SORBS2: variants seen among roughly 807,000 people sequenced by gnomAD.
SORBS2 encodes the protein sorbin and SH3 domain containing 2.
A neutral mutation model predicts 97.7 loss-of-function variants in SORBS2; 46 were observed. That is an observed-to-expected ratio of 0.47 (90% confidence interval 0.37 to 0.60). The LOEUF (loss-of-function observed/expected upper bound fraction) is 0.60. Among genes scored for constraint, SORBS2 ranks in the 20% least tolerant of loss-of-function variants. The pLI is 0.00. For missense variants in SORBS2, 1,316 were observed against 1,282.3 expected (o/e 1.03, Z -0.40); for synonymous variants, 476 against 473.4 (o/e 1.01, Z -0.07).
intron 4 of SORBS2, among the ~76,000 whole-genome samples, chr4:185,639,336 C>T (rs990627665): frequency 1.3e-5 from 2 of 152,190 alleles, no homozygotes; most frequent in African/African-American, 4.8e-5. Flanking sequence ...GGGTAAAATC[C>T]CATCTTGGTT....
At chr4:185,804,126 A>C (rs1342479949) in intron 1 of SORBS2, among the ~76,000 whole-genome samples, 1 of 152,258 alleles carries the variant, frequency 6.6e-6, no homozygotes, top group Non-Finnish European at 1.5e-5. Flanking sequence ...CCCAAAAAGC[A>C]TACTGACCAA....
chr4:185,742,648 G>A (rs796685173), intron 2 of SORBS2, among the ~76,000 whole-genome samples: 4 of 152,060 alleles, frequency 2.6e-5, no homozygotes, highest in East Asian at 1.9e-4. Flanking sequence ...CTGTTATCAC[G>A]GTAACAATAA....
intron 11 of SORBS2, among the ~76,000 whole-genome samples, chr4:185,613,646 CAAAAAAAAAA>C (rs35723770): frequency 1.2e-5 from 1 of 85,818 alleles, no homozygotes; most frequent in Non-Finnish European, 2.2e-5. Flanking sequence ...CACTCCATCT[CAAAAAAAAAA>C]AAAAAAAAAA....
At chr4:185,776,586 A>C (rs1049629823) in intron 1 of SORBS2, among the ~76,000 whole-genome samples, 9 of 152,044 alleles carry the variant, frequency 5.9e-5, no homozygotes, top group African/African-American at 2.2e-4. Flanking sequence ...CCATCGGGAG[A>C]TGAAAAGAGA....
intron 2 of SORBS2, among the ~76,000 whole-genome samples, chr4:185,713,751 G>A (rs1583273401): frequency 6.6e-6 from 1 of 152,212 alleles, no homozygotes; most frequent in East Asian, 1.9e-4. Context: ...AGTAGAATCT[G>A]TAATCATTAC....
chr4:185,859,452 C>T (rs867552985), intron 1 of SORBS2, among the ~76,000 whole-genome samples: 15 of 152,142 alleles, frequency 9.9e-5, no homozygotes, highest in African/African-American at 2.9e-4. Flanking sequence ...AAGTGCTGGG[C>T]GATTTTACAA....
At chr4:185,889,896 T>G (rs2099241606) in intron 1 of SORBS2, among the ~76,000 whole-genome samples, 1 of 152,190 alleles carries the variant, frequency 6.6e-6, no homozygotes, top group South Asian at 2.1e-4. Context: ...TTTTTTCTTT[T>G]TTTTCTTTGA....
intron 1 of SORBS2, among the ~76,000 whole-genome samples, chr4:185,955,127 C>T (rs192265365): frequency 1.3e-5 from 2 of 152,132 alleles, no homozygotes; most frequent in South Asian, 2.1e-4. Context: ...TTTGCTGTGA[C>T]ATTTAACATT....
At chr4:185,638,901 G>C in intron 4 of SORBS2, 1 of 1,484,546 alleles carries the variant, frequency 6.7e-7, no homozygotes, top group Non-Finnish European at 8.9e-7. Context: ...GAGCCGGGGC[G>C]CGCGAGCTTG....
At chr4:185,813,694 C>T (rs1331289616) in intron 1 of SORBS2, among the ~76,000 whole-genome samples, 1 of 152,222 alleles carries the variant, frequency 6.6e-6, no homozygotes, top group Non-Finnish European at 1.5e-5. Flanking sequence ...CGCCCCAGCA[C>T]CTTTAACCTC....
At chr4:185,872,718 G>A (rs540479703) in intron 1 of SORBS2, among the ~76,000 whole-genome samples, 1 of 152,328 alleles carries the variant, frequency 6.6e-6, no homozygotes, top group East Asian at 1.9e-4. Flanking sequence ...TGTGGTTGGG[G>A]AGAGGGAGAA....
intron 1 of SORBS2, among the ~76,000 whole-genome samples, chr4:185,780,007 ATTTTTTTTT>A (rs538693770): frequency 1.9e-4 from 19 of 98,116 alleles, no homozygotes; most frequent in Admixed American, 1.1e-3. Context: ...GTAGAGTAAC[ATTTTTTTTT>A]TTTTTTTTTT....
At chr4:185,605,036 G>A (rs1034993198) in intron 12 of SORBS2, among the ~76,000 whole-genome samples, 22 of 152,142 alleles carry the variant, frequency 1.4e-4, no homozygotes, top group African/African-American at 5.1e-4. Context: ...AGGAATATTA[G>A]TTACTGAAAT....
At chr4:185,942,549 C>A (rs2099272584) in intron 1 of SORBS2, among the ~76,000 whole-genome samples, 1 of 152,032 alleles carries the variant, frequency 6.6e-6, no homozygotes, top group South Asian at 2.1e-4. Context: ...TGGGGTTTCA[C>A]CATGTTGGTC....
intron 2 of SORBS2, among the ~76,000 whole-genome samples, chr4:185,705,490 G>T (rs1029995064): frequency 3.9e-5 from 6 of 151,958 alleles, no homozygotes; most frequent in South Asian, 2.1e-4. Context: ...AAGTTGCAGT[G>T]AGCCAAGGTC....
chr4:185,600,702 C>T (rs1278251045), intron 12 of SORBS2, among the ~76,000 whole-genome samples: 1 of 152,162 alleles, frequency 6.6e-6, no homozygotes, highest in African/African-American at 2.4e-5. Context: ...CAAACCTGCC[C>T]TGCTTTTTCA....
intron 2 of SORBS2, among the ~76,000 whole-genome samples, chr4:185,768,102 A>C (rs537321437): frequency 1.4e-4 from 22 of 152,216 alleles, no homozygotes; most frequent in African/African-American, 5.3e-4. Context: ...GAGCTCCTAG[A>C]GTTCTGGGGG....
intron 2 of SORBS2, among the ~76,000 whole-genome samples, chr4:185,711,595 C>T (rs1489375597): frequency 6.6e-6 from 1 of 152,156 alleles, no homozygotes; most frequent in African/African-American, 2.4e-5. Context: ...ATTCACTTCC[C>T]TTCATCTTTT....
At chr4:185,645,761 C>A (rs2097197162) in intron 4 of SORBS2, 1 of 152,142 alleles carries the variant, frequency 6.6e-6, no homozygotes, top group South Asian at 2.1e-4. Context: ...CAATTGATTG[C>A]AAATGTTTTC....
Sources: gnomAD v4.1 joint callset for allele counts (sites outside exome capture counted in the v4.1 genomes callset) on GRCh38, gnomAD v4.1.1 for gene constraint, MANE v1.5 for transcripts, NCBI Gene and HGNC (gene_info 2026-07-23, HGNC 2026-07-21) for gene names.